The following KIAA1217 variants were observed in gnomAD, a reference collection of about 807,000 sequenced individuals.
KIAA1217 encodes the protein sickle tail protein homolog.
KIAA1217 carries 88 observed loss-of-function variants against 163.9 expected under a neutral mutation model. That is an observed-to-expected ratio of 0.54 (90% confidence interval 0.45 to 0.64). The LOEUF (loss-of-function observed/expected upper bound fraction) is 0.64. Among genes scored for constraint, KIAA1217 ranks in the 30% least tolerant of loss-of-function variants. KIAA1217 has a pLI of 0.00. For synonymous variants in KIAA1217, 903 were observed against 923.1 expected (o/e 0.98, Z 0.39); for missense variants, 2,372 against 2,475.0 (o/e 0.96, Z 0.88).
chr10:23,747,699 A>G (rs777293422), intron 1 of KIAA1217, among the ~76,000 whole-genome samples: 1 of 152,222 alleles, frequency 6.6e-6, no homozygotes, highest in African/African-American at 2.4e-5. Context: ...AGAAAGATAC[A>G]GAGAACTAAA....
chr10:24,012,915 T>G (rs1847301496), intron 2 of KIAA1217, among the ~76,000 whole-genome samples: 1 of 152,144 alleles, frequency 6.6e-6, no homozygotes, highest in Admixed American at 6.5e-5. Context: ...CATAACATTT[T>G]TATGATTTAA....
chr10:24,346,878 G>A (rs1230463361), intron 2 of KIAA1217, among the ~76,000 whole-genome samples: 1 of 152,110 alleles, frequency 6.6e-6, no homozygotes, highest in Non-Finnish European at 1.5e-5. Context: ...GCCAGGTTTT[G>A]TTGGCTTTTA....
chr10:24,040,321 A>T, intron 2 of KIAA1217, among the ~76,000 whole-genome samples: 1 of 152,198 alleles, frequency 6.6e-6, no homozygotes, highest in East Asian at 1.9e-4. Context: ...ATCCCTGCAC[A>T]ATTGGAATGC....
At chr10:24,082,408 CCTAACA>C (rs1373450863) in intron 2 of KIAA1217, among the ~76,000 whole-genome samples, 1 of 152,050 alleles carries the variant, frequency 6.6e-6, no homozygotes, top group Non-Finnish European at 1.5e-5. Flanking sequence ...AACCCCCACC[CCTAACA>C]GGCCCCAGTG....
chr10:24,070,441 A>G (rs964313306), intron 2 of KIAA1217, among the ~76,000 whole-genome samples: 1 of 152,242 alleles, frequency 6.6e-6, no homozygotes, highest in Non-Finnish European at 1.5e-5. Context: ...ACGTAGGTTT[A>G]TCATCAAACA....
intron 1 of KIAA1217, among the ~76,000 whole-genome samples, chr10:23,780,693 TG>T (rs977485320): frequency 6.6e-6 from 1 of 152,052 alleles, no homozygotes; most frequent in Admixed American, 6.6e-5. Context: ...TTTGGGAGGG[TG>T]GGGGGAATGG....
At chr10:24,259,038 C>G (rs757361319) in intron 2 of KIAA1217, among the ~76,000 whole-genome samples, 5 of 152,094 alleles carry the variant, frequency 3.3e-5, no homozygotes, top group Non-Finnish European at 5.9e-5. Flanking sequence ...CAGCGAGGCA[C>G]AAGGAGAGAG....
chr10:23,756,100 A>G (rs1297825184), intron 1 of KIAA1217, among the ~76,000 whole-genome samples: 1 of 150,928 alleles, frequency 6.6e-6, no homozygotes, highest in Non-Finnish European at 1.5e-5. Context: ...GGGGCCACAG[A>G]CATGCACCAC....
intron 1 of KIAA1217, among the ~76,000 whole-genome samples, chr10:24,003,074 C>T (rs1041869933): frequency 6.6e-6 from 1 of 152,166 alleles, no homozygotes; most frequent in South Asian, 2.1e-4. Flanking sequence ...TCTGGTGGTT[C>T]CACATCTCTA....
chr10:24,441,764 A>G (rs1019320355), intron 5 of KIAA1217, among the ~76,000 whole-genome samples: 3 of 152,188 alleles, frequency 2.0e-5, no homozygotes, highest in Non-Finnish European at 2.9e-5. Flanking sequence ...TGAGCTCACC[A>G]TATGGAACAG....
At chr10:24,139,685 G>T (rs1031977656) in intron 2 of KIAA1217, among the ~76,000 whole-genome samples, 2 of 152,032 alleles carry the variant, frequency 1.3e-5, no homozygotes, top group Non-Finnish European at 2.9e-5. Context: ...AATGGAGATG[G>T]TCATAATAAT....
At chr10:24,482,297 G>A (rs369572756) in intron 6 of KIAA1217, 1 of 152,224 alleles carries the variant, frequency 6.6e-6, no homozygotes, top group African/African-American at 2.4e-5. Flanking sequence ...TTCATGAGGT[G>A]CTCTCAATCA....
chr10:24,486,668 C>T (rs1431831331), intron 6 of KIAA1217, among the ~76,000 whole-genome samples: 2 of 152,178 alleles, frequency 1.3e-5, no homozygotes, highest in African/African-American at 2.4e-5. Context: ...CTCCTCCAGA[C>T]AGCACACATG....
At chr10:24,174,375 G>T (rs549849255) in intron 2 of KIAA1217, among the ~76,000 whole-genome samples, 56 of 152,220 alleles carry the variant, frequency 3.7e-4, no homozygotes, top group Non-Finnish European at 5.9e-4. Flanking sequence ...CCCTAGGGGA[G>T]AGGAGAGTAT....
intron 5 of KIAA1217, among the ~76,000 whole-genome samples, chr10:24,470,936 A>G (rs1277541518): frequency 6.6e-6 from 1 of 152,158 alleles, no homozygotes; most frequent in Non-Finnish European, 1.5e-5. Flanking sequence ...CTTATCTACG[A>G]AGTTTAAGAA....
rs11013701 is a variant in KIAA1217, at chr10:23,758,805, G to A, written c.-321+63571G>A. On this transcript the variant is annotated intron_variant, in intron 1 of 18. Transcript: ENST00000376462. ...GGGTTCAAGTGATTCTCCTACCTTA[G>A]CCTCCCAAGTAGCTGGGATTACACG... 2.0e-5 allele frequency among the ~76,000 whole-genome samples: 3 copies of A among 148,974 alleles called. No homozygotes were observed. The South Asian group carries it at 6.3e-4, about 31-fold the overall frequency.
intron 2 of KIAA1217, among the ~76,000 whole-genome samples, chr10:24,037,089 C>G (rs898400066): frequency 6.6e-6 from 1 of 152,172 alleles, no homozygotes; most frequent in East Asian, 1.9e-4. Flanking sequence ...AAGTAAAAGG[C>G]AAATGTCAAG....
intron 2 of KIAA1217, among the ~76,000 whole-genome samples, chr10:24,153,259 GAGACAGC>G (rs2064708448): frequency 6.6e-6 from 1 of 152,236 alleles, no homozygotes; most frequent in African/African-American, 2.4e-5. Flanking sequence ...ACCAACAGCT[GAGACAGC>G]AGCCGGGAAG....
At chr10:24,522,927 G>A (rs2071510036) in intron 12 of KIAA1217, among the ~76,000 whole-genome samples, 1 of 151,926 alleles carries the variant, frequency 6.6e-6, no homozygotes, top group African/African-American at 2.4e-5. Flanking sequence ...GTGAGCCGAG[G>A]TTGTGCCACT....
Sources: allele counts gnomAD v4.1 joint callset (sites outside exome capture counted in the v4.1 genomes callset), GRCh38; gene constraint gnomAD v4.1.1; transcripts MANE v1.5; gene names NCBI Gene and HGNC (gene_info 2026-07-23, HGNC 2026-07-21).